The following MME variants were observed in gnomAD, a reference collection of about 807,000 sequenced individuals.
MME encodes membrane metalloendopeptidase.
Under a neutral mutation model 113.2 loss-of-function variants are expected in MME, and 98 were observed. The observed-to-expected ratio is 0.87, with a 90% confidence interval of 0.74 to 1.02. The LOEUF (loss-of-function observed/expected upper bound fraction) is 1.02. Among genes scored for constraint, MME ranks in the 50% least tolerant of loss-of-function variants. The probability of loss-of-function intolerance (pLI) is 0.00; values close to 1 mark genes in which losing one functional copy is unlikely to be tolerated. For synonymous variants in MME, 292 were observed against 300.6 expected, an observed-to-expected ratio of 0.97 and a Z score of 0.30; for missense variants, 836 against 896.0, an observed-to-expected ratio of 0.93 and a Z score of 0.86.
intron 8 of MME, among the ~76,000 whole-genome samples, chr3:155,133,510 G>C (rs1720339277): frequency 6.6e-6 from 1 of 151,354 alleles, no homozygotes; most frequent in Non-Finnish European, 1.5e-5. Flanking sequence ...TAAGGATAAA[G>C]AGACTGGAGC....
intron 1 of MME, among the ~76,000 whole-genome samples, chr3:155,051,404 A>G (rs1713759096): frequency 6.6e-6 from 1 of 152,194 alleles, no homozygotes; most frequent in African/African-American, 2.4e-5. Context: ...CACTGCTGTA[A>G]AGACATACCT....
At chr3:155,161,889 T>C (rs1446943672) in intron 17 of MME, among the ~76,000 whole-genome samples, 1 of 152,174 alleles carries the variant, frequency 6.6e-6, no homozygotes. Context: ...AGTCAGTCCT[T>C]TATAATATAT....
At chr3:155,131,324 TGCCTCAGTGATACGTGGCGGAGC>T (rs1720128279) in intron 8 of MME, among the ~76,000 whole-genome samples, 1 of 152,184 alleles carries the variant, frequency 6.6e-6, no homozygotes, top group South Asian at 2.1e-4. Context: ...GGCCAATATG[TGCCTCAGTGATACGTGGCGGAGC>T]TTGTCTCACT....
intron 1 of MME, among the ~76,000 whole-genome samples, chr3:155,047,769 T>C (rs530960258): frequency 1.3e-5 from 2 of 152,270 alleles, no homozygotes; most frequent in African/African-American, 4.8e-5. Context: ...ATCCTTAACA[T>C]TGTAAAAGAT....
intron 3 of MME, among the ~76,000 whole-genome samples, chr3:155,112,111 G>A (rs1173650556): frequency 6.6e-6 from 1 of 152,092 alleles, no homozygotes; most frequent in Non-Finnish European, 1.5e-5. Context: ...TTACTGGCAA[G>A]TCTTGACTGA....
intron 3 of MME, among the ~76,000 whole-genome samples, chr3:155,101,287 G>A (rs1717193474): frequency 1.3e-5 from 2 of 152,176 alleles, no homozygotes; most frequent in Non-Finnish European, 2.9e-5. Context: ...GGCATTGCAA[G>A]AACAGCCTAA....
At chr3:155,050,457 TA>T (rs1328137203) in intron 1 of MME, among the ~76,000 whole-genome samples, 1 of 152,196 alleles carries the variant, frequency 6.6e-6, no homozygotes, top group Non-Finnish European at 1.5e-5. Context: ...CAGCAGTGTG[TA>T]AGTATTCCCT....
At chr3:155,100,066 T>C (rs1717073528) in intron 3 of MME, among the ~76,000 whole-genome samples, 1 of 152,054 alleles carries the variant, frequency 6.6e-6, no homozygotes, top group Non-Finnish European at 1.5e-5. Flanking sequence ...CTAATTAAAC[T>C]AAAGAGCTTC....
At chr3:155,178,875 C>T (rs542267154) in intron 22 of MME, among the ~76,000 whole-genome samples, 3 of 152,100 alleles carry the variant, frequency 2.0e-5, no homozygotes, top group Non-Finnish European at 4.4e-5. Context: ...ATATTTCCCC[C>T]ACATATGTTC....
At chr3:155,105,842 GTTA>G (rs1025549046) in intron 3 of MME, among the ~76,000 whole-genome samples, 2 of 152,020 alleles carry the variant, frequency 1.3e-5, no homozygotes, top group Admixed American at 6.6e-5. Context: ...GGCTTCTATT[GTTA>G]TTATTATTAT....
chr3:155,092,487 A>G (rs1053676567), intron 3 of MME, among the ~76,000 whole-genome samples: 4 of 152,226 alleles, frequency 2.6e-5, no homozygotes, highest in Non-Finnish European at 4.4e-5. Context: ...CAACCCAGCA[A>G]TTCTACTCCT....
At chr3:155,135,312 G>A (rs369632738) in intron 8 of MME, among the ~76,000 whole-genome samples, 3 of 152,102 alleles carry the variant, frequency 2.0e-5, no homozygotes, top group African/African-American at 7.2e-5. Flanking sequence ...TAATTTTTGT[G>A]TATGATGAAA....
intron 3 of MME, among the ~76,000 whole-genome samples, chr3:155,085,908 G>T (rs1170937870): frequency 1.3e-5 from 2 of 152,168 alleles, no homozygotes; most frequent in African/African-American, 2.4e-5. Context: ...AAACACAAAA[G>T]AAAGAAACTA....
At chr3:155,049,468 TG>T (rs1713680643) in intron 1 of MME, among the ~76,000 whole-genome samples, 1 of 151,938 alleles carries the variant, frequency 6.6e-6, no homozygotes, top group African/African-American at 2.4e-5. Context: ...AATTGGGAAA[TG>T]AGTAGAGGCT....
At chr3:155,113,247 G>T (rs749031996) in intron 3 of MME, among the ~76,000 whole-genome samples, 1 of 152,056 alleles carries the variant, frequency 6.6e-6, no homozygotes, top group Admixed American at 6.6e-5. Context: ...AGGGTGATAC[G>T]TTTATTCTGG....
intron 8 of MME, among the ~76,000 whole-genome samples, chr3:155,129,067 A>G (rs1189281665): frequency 6.6e-6 from 1 of 152,188 alleles, no homozygotes. Flanking sequence ...AGTTTACATT[A>G]TTTTATTGGA....
chr3:155,172,571 T>A lies in MME; in HGVS notation c.2112T>A (p.Val704=), dbSNP rs1487211296. 6 of 1,613,046 alleles carry A rather than the reference T, an allele frequency of 3.7e-6. No homozygotes were observed. Among genetic ancestry groups the A allele is most frequent in the East Asian group, 4.5e-5 (2 of 44,846 alleles). The change falls in exon 22 of 23, where the codon GTT becomes GTA. Residue 704 remains valine, a synonymous_variant. Transcript: ENST00000360490. ...WCGTYRPEYA[V]NSIKTDVHSP... ...GAACCTATAGGCCAGAGTATGCGGT[T>A]AACTCCATTAAAACAGATGTGCACA... is the stretch of plus-strand genomic sequence containing the variant.
At chr3:155,036,576 A>G (rs1165921607) in intron 1 of MME, among the ~76,000 whole-genome samples, 1 of 151,960 alleles carries the variant, frequency 6.6e-6, no homozygotes, top group African/African-American at 2.4e-5. Context: ...TATTTTCAAG[A>G]TTTTATATAT....
intron 1 of MME, among the ~76,000 whole-genome samples, chr3:155,047,690 T>A (rs951109579): frequency 6.6e-6 from 1 of 152,214 alleles, no homozygotes; most frequent in Non-Finnish European, 1.5e-5. Context: ...AGGAGTTCAT[T>A]GTCTTTTCTC....
Sources: gnomAD v4.1 joint callset for allele counts (sites outside exome capture counted in the v4.1 genomes callset) on GRCh38, gnomAD v4.1.1 for gene constraint, MANE v1.5 for transcripts, NCBI Gene and HGNC (gene_info 2026-07-23, HGNC 2026-07-21) for gene names.